The following ZNF280D variants were observed in gnomAD, a reference collection of about 807,000 sequenced individuals.
The protein encoded by ZNF280D is suppressor of hairy wing homolog 4.
In ZNF280D, 39 loss-of-function variants were observed where a neutral mutation model predicts 94.7. The observed-to-expected ratio is 0.41, with a 90% CI of 0.32 to 0.54. The LOEUF is 0.54. Among genes scored for constraint, ZNF280D ranks in the 20% least tolerant of loss-of-function variants. The pLI is 0.22. For missense variants in ZNF280D, 1,090 were observed against 1,149.3 expected, an observed-to-expected ratio of 0.95 and a Z score of 0.75; for synonymous variants, 398 against 377.6, an observed-to-expected ratio of 1.05 and a Z score of -0.63.
chr15:56,695,274 G>T (rs808269), intron 6 of ZNF280D, among the ~76,000 whole-genome samples: 150,586 of 152,174 alleles, frequency 0.99, 74,535 homozygotes, highest in Middle Eastern at 1. Flanking sequence ...GGTTTCATCA[G>T]ATTGGTCAGG....
chr15:56,728,117 G>T (rs1322780850), intron 1 of ZNF280D, among the ~76,000 whole-genome samples: 1 of 151,866 alleles, frequency 6.6e-6, no homozygotes, highest in Admixed American at 6.6e-5. Flanking sequence ...CTGCAACCCA[G>T]ACCTGAAGCG....
At chr15:56,664,649 G>A (rs2054169015) in intron 16 of ZNF280D, among the ~76,000 whole-genome samples, 1 of 152,148 alleles carries the variant, frequency 6.6e-6, no homozygotes, top group South Asian at 2.1e-4. Context: ...TTAGGGTACT[G>A]AAGAAGGATT....
intron 1 of ZNF280D, among the ~76,000 whole-genome samples, chr15:56,721,934 G>A (rs556841280): frequency 6.6e-6 from 1 of 152,158 alleles, no homozygotes; most frequent in African/African-American, 2.4e-5. Flanking sequence ...CTTTCAACAC[G>A]CCTTCCTCAC....
chr15:56,643,008 A>G lies in ZNF280D; in HGVS notation c.2214-11T>C. ...GCTTCTTTTTTTAATCTTGAAAACA[A>G]GATAAGTATTGAATATTTTATTTTA... On this transcript the variant is annotated splice_polypyrimidine_tract_variant and intron_variant, in intron 19 of 21. Transcript: ENST00000267807. The G allele has an allele frequency of 1.4e-6, 2 of 1,476,070 alleles. No homozygotes were observed. The highest frequency in any genetic ancestry group is 1.4e-5 in the South Asian group (1 of 72,878). The allele number at this position is 1,476,070 out of a possible 1,614,324, so 91.4% of individuals were successfully genotyped here. A position where few individuals can be genotyped will look rare whatever the true frequency, so the allele number is the denominator to read the frequency against.
chr15:56,706,536 G>C lies in ZNF280D; in HGVS notation c.28+546C>G, dbSNP rs557716404. Among the ~76,000 whole-genome samples the C allele has an allele frequency of 1.1e-3, 168 of 152,002 alleles. 2 individuals carry two copies. The highest frequency in any genetic ancestry group is 3.7e-3 in the African/African-American group (155 of 41,484). ...GATGGCCATCTACAAGTCAAGAAGA[G>C]AGGCCTCAAACCCTTCCCATATGGC... On this transcript the variant is annotated intron_variant, in intron 3 of 21. Coordinates refer to ENST00000267807, the MANE Select transcript of ZNF280D (RefSeq NM_017661.4).
intron 1 of ZNF280D, chr15:56,730,276 T>G (rs2058823517): frequency 6.6e-6 from 1 of 152,192 alleles, no homozygotes; most frequent in Non-Finnish European, 1.5e-5. Flanking sequence ...AGTTTTTAAT[T>G]CCTTTCTAAA....
At chr15:56,665,478 T>C (rs1316543764) in intron 16 of ZNF280D, among the ~76,000 whole-genome samples, 3 of 152,044 alleles carry the variant, frequency 2.0e-5, no homozygotes, top group Non-Finnish European at 2.9e-5. Flanking sequence ...ATAATCTAAG[T>C]TGAATGAATT....
chr15:56,659,496 G>A lies in ZNF280D; in HGVS notation c.1995-1010C>T, dbSNP rs78490163. ...CATATAATTTTTATTACAGTATATT[G>A]TTATTATAATTGTTCTATTGTTAAT... On this transcript the variant is annotated intron_variant, in intron 16 of 21. Coordinates refer to ENST00000267807, the MANE Select transcript of ZNF280D (RefSeq NM_017661.4). 5.7e-3 allele frequency among the ~76,000 whole-genome samples: 872 copies of A among 151,820 alleles called. 11 individuals are homozygous for A. The highest frequency in any genetic ancestry group is 0.02 in the African/African-American group (837 of 41,376).
At chr15:56,649,390 G>A (rs1202860114) in intron 19 of ZNF280D, among the ~76,000 whole-genome samples, 3 of 152,090 alleles carry the variant, frequency 2.0e-5, no homozygotes, top group Admixed American at 2.0e-4. Flanking sequence ...GATATCAAAG[G>A]CAGAAGTCCA....
At chr15:56,641,294 T>C (rs2052616120) in intron 20 of ZNF280D, among the ~76,000 whole-genome samples, 1 of 152,042 alleles carries the variant, frequency 6.6e-6, no homozygotes. Context: ...ATATTAGTCA[T>C]GTTTACTGAC....
At chr15:56,679,729 T>G (rs2055490635) in intron 10 of ZNF280D, among the ~76,000 whole-genome samples, 1 of 152,236 alleles carries the variant, frequency 6.6e-6, no homozygotes, top group Non-Finnish European at 1.5e-5. Context: ...AGAAATTATC[T>G]TGAAACTAAG....
chr15:56,720,976 G>A (rs186359770), intron 1 of ZNF280D, among the ~76,000 whole-genome samples: 2 of 71,156 alleles, frequency 2.8e-5, no homozygotes, highest in African/African-American at 8.3e-5. Context: ...TTTTTGGGGG[G>A]GGGGGGGACA....
Position 56,678,972 on chromosome 15 carries a change from T to C in ZNF280D, c.1005-151A>G, listed in dbSNP as rs78117216. 5,599 of 603,918 alleles carry C rather than the reference T, an allele frequency of 9.3e-3. 255 individuals carry two copies. The African/African-American group carries it at 0.095, about 10-fold the overall frequency. The allele number at this position is 603,918 out of a possible 1,614,324, so 37.4% of individuals were successfully genotyped here. A position where few individuals can be genotyped will look rare whatever the true frequency, so the allele number is the denominator to read the frequency against. On this transcript the variant is annotated intron_variant, in intron 10 of 21. Transcript: ENST00000267807. The stretch of plus-strand genomic sequence containing the variant: ...AGTTGCCTAGGAAAGTATGCACTTT[T>C]AAATAATCACTTTCTTTAAGTGGCT...
At chr15:56,714,290 G>A (rs767101187) in intron 1 of ZNF280D, among the ~76,000 whole-genome samples, 5 of 152,072 alleles carry the variant, frequency 3.3e-5, no homozygotes, top group Non-Finnish European at 7.4e-5. Flanking sequence ...GATGATTATA[G>A]AATCTTAAGA....
chr15:56,666,434 T>C lies in ZNF280D; in HGVS notation c.1955A>G (p.Asn652Ser). Residue 652 changes from asparagine (N) to serine (S), a missense_variant, in exon 16 of 22, where the codon AAC (asparagine) becomes AGC (serine). Coordinates refer to ENST00000267807, the MANE Select transcript of ZNF280D (RefSeq NM_017661.4). ...TYVHCSFCRYNTSCSKAYVNH... is the reference protein window; with the variant it reads ...TYVHCSFCRYSTSCSKAYVNH... Reference sequence around the variant, plus strand: ...TACATAGGCTTTGCTACAGCTAGTGTTGTATCTGCAAAAACTACAGTGGAC... The same window carrying C: ...TACATAGGCTTTGCTACAGCTAGTGCTGTATCTGCAAAAACTACAGTGGAC... 6.2e-7 allele frequency: 1 copy of C among 1,606,328 alleles called. No individual in the cohort carries two copies.
chr15:56,694,323 ACACACACACACACAC>A (rs1177481323), intron 6 of ZNF280D, among the ~76,000 whole-genome samples: 1 of 151,722 alleles, frequency 6.6e-6, no homozygotes, highest in East Asian at 1.9e-4. Flanking sequence ...ACACACACAC[ACACACACACACACAC>A]AAGTATACTC....
intron 13 of ZNF280D, among the ~76,000 whole-genome samples, chr15:56,674,710 T>A (rs2055098316): frequency 6.6e-6 from 1 of 151,486 alleles, no homozygotes; most frequent in Non-Finnish European, 1.5e-5. Flanking sequence ...TACCAGCTGC[T>A]GCCATAAGGT....
chr15:56,704,002 C>T, intron 4 of ZNF280D, 119 bp downstream of exon 4: 2 of 1,069,946 alleles, frequency 1.9e-6, no homozygotes, highest in Non-Finnish European at 2.6e-6. Context: ...CTCAAGTCCC[C>T]AATCATGTTC....
At chr15:56,653,444 C>A (rs1339276543) in intron 19 of ZNF280D, 6 of 1,454,010 alleles carry the variant, frequency 4.1e-6, no homozygotes, top group Non-Finnish European at 4.5e-6. Context: ...TCCCCAAGAT[C>A]TGATTTCTTG....
Sources: gnomAD v4.1 joint callset for allele counts (sites outside exome capture counted in the v4.1 genomes callset) on GRCh38, gnomAD v4.1.1 for gene constraint, MANE v1.5 for transcripts, NCBI Gene and HGNC (gene_info 2026-07-23, HGNC 2026-07-21) for gene names.